The following DEGS2 variants were observed in gnomAD, a reference collection of about 807,000 sequenced individuals.
The protein encoded by DEGS2 is delta 4-desaturase, sphingolipid 2, also known as sphingolipid delta(4)-desaturase/C4-monooxygenase DES2.
A neutral mutation model predicts 23.8 loss-of-function variants in DEGS2; 19 were observed. That is an observed-to-expected ratio of 0.80 (90% confidence interval 0.56 to 1.17). DEGS2 has a LOEUF of 1.17. Ranked by LOEUF, DEGS2 falls within the 50% of genes most tolerant of loss-of-function variation. DEGS2 has a pLI of 0.00. For missense variants in DEGS2, 390 were observed against 459.5 expected, an observed-to-expected ratio of 0.85 and a Z score of 1.38; for synonymous variants, 218 against 213.7, an observed-to-expected ratio of 1.02 and a Z score of -0.18.
chr14:100,156,575 G>A (rs1356889296), intron 1 of DEGS2, among the ~76,000 whole-genome samples: 4 of 152,166 alleles, frequency 2.6e-5, no homozygotes, highest in African/African-American at 4.8e-5. Flanking sequence ...AGACTCACCC[G>A]TGGCTAATAA....
chr14:100,156,561 T>C (rs1193568250), intron 1 of DEGS2, among the ~76,000 whole-genome samples: 1 of 152,338 alleles, frequency 6.6e-6, no homozygotes, highest in East Asian at 1.9e-4. Flanking sequence ...CTTCATCTGT[T>C]TACAGACTCA....
Position 100,146,542 on chromosome 14 carries a change from C to G in DEGS2, c.*219G>C. 1 of 607,944 alleles carries G rather than the reference C, an allele frequency of 1.6e-6. No homozygotes were observed. The highest frequency in any genetic ancestry group is 2.7e-6 in the Non-Finnish European group (1 of 364,150). 37.7% of individuals were successfully genotyped at this position (607,944 alleles called of 1,614,324 possible). ...AGGGCCAGGCCTCACCTGGGGAGGCCCAGAAAGGGAGGGCCACACTCAAGG... is the reference window on the plus strand; with the variant it reads ...AGGGCCAGGCCTCACCTGGGGAGGCGCAGAAAGGGAGGGCCACACTCAAGG... On this transcript the variant is annotated 3_prime_UTR_variant, in exon 3 of 3. Coordinates refer to ENST00000305631, the MANE Select transcript of DEGS2 (RefSeq NM_206918.3).
Position 100,146,724 on chromosome 14 carries a change from T to A in DEGS2, c.*37A>T. 6.2e-7 allele frequency: 1 copy of A among 1,607,422 alleles called. No homozygotes were observed. The highest frequency in any genetic ancestry group is 1.1e-5 in the South Asian group (1 of 90,288). On this transcript the variant is annotated 3_prime_UTR_variant, in exon 3 of 3. Transcript: ENST00000305631. ...CTGGGGTGCAAGGCTGAGGGGCCGA[T>A]GGGGGACAATGGCCACCACCAGGAG...
At chr14:100,166,353 G>C in the DEGS2 span, among the ~76,000 whole-genome samples, 19,861 of 41,168 alleles carry the variant, frequency 0.48, 5,074 homozygotes, top group African/African-American at 0.72. Context: ...CCGGGGCTGT[G>C]GGGGGAGCCT....
At chr14:100,154,443 G>C (rs1167956120) in intron 1 of DEGS2, among the ~76,000 whole-genome samples, 5 of 152,144 alleles carry the variant, frequency 3.3e-5, no homozygotes, top group African/African-American at 1.2e-4. Context: ...GTCCCTCTCT[G>C]GACCTGTCTC....
intron 1 of DEGS2, among the ~76,000 whole-genome samples, chr14:100,153,284 T>C (rs1385362933): frequency 6.7e-6 from 1 of 149,950 alleles, no homozygotes; most frequent in Admixed American, 6.6e-5. Context: ...GATAGATAGA[T>C]AGATAGATAG....
At chr14:100,159,475 C>A in intron 1 of DEGS2, 31 bp downstream of exon 1, 1 of 1,452,526 alleles carries the variant, frequency 6.9e-7, no homozygotes, top group Non-Finnish European at 9.1e-7. Context: ...CGGGGCGGTC[C>A]CCACCGGGGT....
At chr14:100,156,266 C>T (rs1455880659) in intron 1 of DEGS2, among the ~76,000 whole-genome samples, 1 of 152,260 alleles carries the variant, frequency 6.6e-6, no homozygotes, top group African/African-American at 2.4e-5. Flanking sequence ...TCCCCTCTCT[C>T]AGCCTCACTC....
chr14:100,159,897 G>A (rs1343951067), upstream of DEGS2: 1 of 206,076 alleles, frequency 4.9e-6, no homozygotes, highest in Non-Finnish European at 9.7e-6. Flanking sequence ...CGATGCGCGG[G>A]GGCGACTGCT....
upstream of DEGS2, among the ~76,000 whole-genome samples, chr14:100,163,512 G>C (rs1276865023): frequency 6.6e-6 from 1 of 152,072 alleles, no homozygotes. Context: ...TGGAGGAATC[G>C]AGACATGAGG....
At chr14:100,164,949 G>A in the DEGS2 span, among the ~76,000 whole-genome samples, 4 of 152,292 alleles carry the variant, frequency 2.6e-5, no homozygotes, top group East Asian at 1.9e-4. Context: ...TGGATAAGCC[G>A]CTTATGCTAT....
chr14:100,151,456 AG>A (rs1265894872), intron 1 of DEGS2, among the ~76,000 whole-genome samples: 2 of 152,146 alleles, frequency 1.3e-5, no homozygotes, highest in African/African-American at 4.8e-5. Flanking sequence ...AGATGCAGGG[AG>A]CCCCAGGTCA....
chr14:100,162,241 C>G (rs886227536), upstream of DEGS2, among the ~76,000 whole-genome samples: 1 of 151,342 alleles, frequency 6.6e-6, no homozygotes, highest in Non-Finnish European at 1.5e-5. Context: ...CCCAGCTACT[C>G]GGGAGGCTGA....
In DEGS2 at chr14:100,149,358, G is replaced by GGGCACGTCCACGTCC; in HGVS notation, c.420_434dup (p.Asp141_Pro145dup). 6.2e-7 allele frequency: 1 copy of GGGCACGTCCACGTCC among 1,608,866 alleles called. No individual in the cohort carries two copies. Among genetic ancestry groups the GGGCACGTCCACGTCC allele is most frequent in the South Asian group, 1.1e-5 (1 of 90,602 alleles). Reference sequence around the variant, plus strand: ...AGAAGAACCAGCCCTCCAGACGCGTGGGCACGTCCACGTCCAGCCCGTCGC... The same window carrying GGGCACGTCCACGTCC: ...AGAAGAACCAGCCCTCCAGACGCGTGGGCACGTCCACGTCCGGCACGTCCACGTCCAGCCCGTCGC... On this transcript the variant is annotated inframe_insertion, in exon 2 of 3. Coordinates refer to ENST00000305631, the MANE Select transcript of DEGS2 (RefSeq NM_206918.3).
rs756858615 is a variant in DEGS2, at chr14:100,145,808, G to A, written c.*953C>T. ...GCACCCTCAGCCCTTCTGTAGAAAG[G>A]ACCGACACGTCTCACGTCACGCACA... is the stretch of plus-strand genomic sequence containing the variant. On this transcript the variant is annotated 3_prime_UTR_variant, in exon 3 of 3. Coordinates refer to ENST00000305631, the MANE Select transcript of DEGS2 (RefSeq NM_206918.3). 2 of 152,468 alleles carry A rather than the reference G, an allele frequency of 1.3e-5. No individual in the cohort carries two copies. Among genetic ancestry groups the A allele is most frequent in the Non-Finnish European group, 2.9e-5 (2 of 68,226 alleles). 9.4% of individuals were successfully genotyped at this position (152,468 alleles called of 1,614,324 possible).
At chr14:100,151,476 G>A (rs1313954076) in intron 1 of DEGS2, among the ~76,000 whole-genome samples, 1 of 152,188 alleles carries the variant, frequency 6.6e-6, no homozygotes, top group Non-Finnish European at 1.5e-5. Context: ...CACCTCACCT[G>A]CCTGCAGGCA....
Position 100,149,489 on chromosome 14 carries a change from C to T in DEGS2, c.304G>A (p.Ala102Thr). Residue 102 changes from alanine to threonine, a missense_variant, in exon 2 of 3, where the codon GCG (alanine) becomes ACG (threonine). Transcript: ENST00000305631. ...SHNAAFGTGRAARNRWLAVFA... is the reference protein window; with the variant it reads ...SHNAAFGTGRTARNRWLAVFA... The stretch of plus-strand genomic sequence containing the variant: ...ACGGCCAGCCAGCGGTTGCGTGCCG[C>T]ACGGCCCGTGCCGAAGGCCGCGTTG... 6.3e-7 allele frequency: 1 copy of T among 1,599,182 alleles called. No individual in the cohort carries two copies. The highest frequency in any genetic ancestry group is 1.1e-5 in the South Asian group (1 of 89,486).
chr14:100,162,862 G>A (rs1889765451), upstream of DEGS2, among the ~76,000 whole-genome samples: 1 of 152,218 alleles, frequency 6.6e-6, no homozygotes, highest in African/African-American at 2.4e-5. Flanking sequence ...GACAGTATTA[G>A]CTGCCCCATG....
intron 1 of DEGS2, among the ~76,000 whole-genome samples, chr14:100,154,900 C>T (rs576940523): frequency 4.9e-4 from 74 of 152,350 alleles, no homozygotes; most frequent in Admixed American, 1.8e-3. Context: ...CCCTGCCCCT[C>T]CTGACTAGCT....
Sources: allele counts gnomAD v4.1 joint callset (sites outside exome capture counted in the v4.1 genomes callset), GRCh38; gene constraint gnomAD v4.1.1; transcripts MANE v1.5; gene names NCBI Gene and HGNC (gene_info 2026-07-23, HGNC 2026-07-21).